TRAM2: variants seen among roughly 807,000 people sequenced by gnomAD.
The protein encoded by TRAM2 is translocation associated membrane protein 2, also known as translocating chain-associated membrane protein 2.
In TRAM2, 12 loss-of-function variants were observed where a neutral mutation model predicts 51.0. That is an observed-to-expected ratio of 0.24 (90% CI 0.15 to 0.38). The LOEUF (loss-of-function observed/expected upper bound fraction) is 0.38. Ranked by LOEUF, TRAM2 falls within the 10% of genes least tolerant of loss-of-function variation. TRAM2 has a pLI of 1.00. For synonymous variants in TRAM2, 175 were observed against 179.4 expected (o/e 0.98, Z 0.20); for missense variants, 361 against 462.0 (o/e 0.78, Z 2.00).
intron 2 of TRAM2, among the ~76,000 whole-genome samples, chr6:52,526,392 G>A (rs1046199943): frequency 5.3e-5 from 8 of 152,032 alleles, no homozygotes; most frequent in Admixed American, 3.3e-4. Context: ...AAGATCCCAG[G>A]TTTCTGCATT....
intron 2 of TRAM2, 49 bp downstream of exon 2, chr6:52,535,734 C>G (rs1459186661): frequency 6.5e-7 from 1 of 1,533,568 alleles, no homozygotes; most frequent in Non-Finnish European, 8.9e-7. Flanking sequence ...CTTTCCAGGT[C>G]CTTCAGGGTT....
At chr6:52,520,021 T>C (rs892552043) in intron 2 of TRAM2, among the ~76,000 whole-genome samples, 5 of 152,170 alleles carry the variant, frequency 3.3e-5, no homozygotes, top group African/African-American at 1.2e-4. Context: ...TGCTATTTAA[T>C]GGGTACGGGG....
At chr6:52,520,171 C>T (rs1296871892) in intron 2 of TRAM2, among the ~76,000 whole-genome samples, 1 of 152,156 alleles carries the variant, frequency 6.6e-6, no homozygotes, top group African/African-American at 2.4e-5. Flanking sequence ...TAAAAAACAA[C>T]AACAGCCAGC....
chr6:52,550,815 TGCCTTGGCCTCCC>T (rs1303744671), intron 1 of TRAM2, among the ~76,000 whole-genome samples: 15 of 128,882 alleles, frequency 1.2e-4, no homozygotes, highest in Non-Finnish European at 2.3e-4. Context: ...GCCTCCCACC[TGCCTTGGCCTCCC>T]AAAGTGCTGG....
chr6:52,559,110 C>G (rs1414664384), intron 1 of TRAM2, among the ~76,000 whole-genome samples: 1 of 152,076 alleles, frequency 6.6e-6, no homozygotes, highest in Non-Finnish European at 1.5e-5. Context: ...GTGGATGGTA[C>G]TTTAGTAAGT....
chr6:52,574,094 G>C (rs929765081), intron 1 of TRAM2, among the ~76,000 whole-genome samples: 1 of 152,116 alleles, frequency 6.6e-6, no homozygotes, highest in African/African-American at 2.4e-5. Context: ...AAAGGGTGGT[G>C]AGTCCCCAGT....
intron 1 of TRAM2, among the ~76,000 whole-genome samples, chr6:52,542,294 A>G (rs1403523825): frequency 7.4e-6 from 1 of 135,162 alleles, no homozygotes; most frequent in East Asian, 2.3e-4. Context: ...ATAGTCTTTT[A>G]GCCTTTTTTC....
intron 2 of TRAM2, among the ~76,000 whole-genome samples, chr6:52,531,120 C>CAA (rs35821052): frequency 0.2 from 19,502 of 95,946 alleles, 2,483 homozygotes; most frequent in Non-Finnish European, 0.26. Context: ...CCTGGTTATG[C>CAA]AAAAAAAAAA....
chr6:52,576,682 C>A (rs1767772051), intron 1 of TRAM2, 114 bp downstream of exon 1: 5 of 1,394,548 alleles, frequency 3.6e-6, no homozygotes, highest in Non-Finnish European at 4.8e-6. Context: ...AGATAACGTA[C>A]ACGGCAGCCA....
Position 52,503,263 on chromosome 6 carries a change from A to G in TRAM2, c.1047T>C (p.His349=). The G allele has an allele frequency of 6.2e-7, 1 of 1,613,842 alleles. No individual in the cohort carries two copies. The highest frequency in any genetic ancestry group is 8.5e-7 in the Non-Finnish European group (1 of 1,179,846). The stretch of plus-strand genomic sequence containing the variant: ...TCTCTGCCTTCACCACTCCATTTTC[A>G]TGGTAACCTGGGAAGTGGAGAGAGA... ...ARLIKRESGY[H]ENGVVKAENG... is the part of the protein sequence containing the mutation. The change falls in exon 11 of 11, where the codon CAT becomes CAC. Residue 349 remains histidine, a synonymous_variant. Coordinates refer to ENST00000182527, the MANE Select transcript of TRAM2 (RefSeq NM_012288.4).
intron 7 of TRAM2, 86 bp from the exon 8 acceptor site, chr6:52,506,222 T>G (rs1766347713): frequency 8.0e-7 from 1 of 1,247,422 alleles, no homozygotes; most frequent in African/African-American, 1.5e-5. Flanking sequence ...GGCTGTCCCC[T>G]GTGCCTGGCT....
chr6:52,527,242 G>C (rs1766798363), intron 2 of TRAM2, among the ~76,000 whole-genome samples: 1 of 151,948 alleles, frequency 6.6e-6, no homozygotes, highest in South Asian at 2.1e-4. Context: ...GCCGGGCGTG[G>C]TGGCGGGCGC....
rs1398927396 is a variant in TRAM2, at chr6:52,504,675, G to A, written c.955C>T (p.Arg319Trp). Reference protein sequence around the residue: ...RFIHSQLRHWREYWNEQSAKR... With the variant: ...RFIHSQLRHWWEYWNEQSAKR... ...GCACTCTGCTCATTCCAGTATTCCC[G>A]CCAGTGCCGCAGCTGGGAGTGGATG... Residue 319 changes from arginine to tryptophan, a missense_variant, in exon 10 of 11, where the codon CGG (arginine) becomes TGG (tryptophan). By Grantham distance (101) the Arg-to-Trp change is moderately radical. Coordinates refer to ENST00000182527, the MANE Select transcript of TRAM2 (RefSeq NM_012288.4). 3.7e-6 allele frequency: 6 copies of A among 1,613,524 alleles called. No homozygotes were observed. Among genetic ancestry groups the A allele is most frequent in the Non-Finnish European group, 4.2e-6 (5 of 1,179,932 alleles).
At chr6:52,527,412 AATT>A (rs1429206320) in intron 2 of TRAM2, among the ~76,000 whole-genome samples, 2 of 151,664 alleles carry the variant, frequency 1.3e-5, no homozygotes, top group Admixed American at 1.3e-4. Context: ...AAAAGAAAAA[AATT>A]ATCCTACCTA....
Position 52,513,175 on chromosome 6 carries a change from T to C in TRAM2, c.411+2831A>G, listed in dbSNP as rs949175585. On this transcript the variant is annotated intron_variant, in intron 4 of 10. Transcript: ENST00000182527. ...GCCTCTATATATGCAGAGAGAAATG[T>C]TTCAATCAAACACCAGAATAATACT... Among the ~76,000 whole-genome samples, 3 of 152,184 alleles carry C rather than the reference T, an allele frequency of 2.0e-5. No individual in the cohort carries two copies. In the South Asian group the frequency reaches 6.2e-4, roughly 32 times the overall value.
intron 1 of TRAM2, among the ~76,000 whole-genome samples, chr6:52,570,033 T>A (rs1196376226): frequency 1.3e-5 from 2 of 152,046 alleles, no homozygotes; most frequent in Admixed American, 6.6e-5. Context: ...CCAATGAGGG[T>A]CTTATTTTGT....
intron 4 of TRAM2, chr6:52,515,768 T>C: frequency 2.0e-6 from 1 of 488,828 alleles, no homozygotes; most frequent in Non-Finnish European, 3.7e-6. Context: ...TAACAAGTGG[T>C]GACTGTTGGC....
chr6:52,515,474 C>CA (rs1183414447), intron 4 of TRAM2, among the ~76,000 whole-genome samples: 4 of 152,208 alleles, frequency 2.6e-5, no homozygotes, highest in African/African-American at 9.6e-5. Context: ...GATGAGCTGA[C>CA]AGAGTGAGGC....
intron 2 of TRAM2, 87 bp from the exon 3 acceptor site, chr6:52,516,824 T>G: frequency 2.9e-6 from 3 of 1,032,276 alleles, no homozygotes; most frequent in Non-Finnish European, 4.6e-6. Flanking sequence ...GGAGGCGAAA[T>G]GCGCCATCAA....
Sources: gnomAD v4.1 joint callset for allele counts (sites outside exome capture counted in the v4.1 genomes callset) on GRCh38, gnomAD v4.1.1 for gene constraint, MANE v1.5 for transcripts, NCBI Gene and HGNC (gene_info 2026-07-23, HGNC 2026-07-21) for gene names.